INTS9: variants seen among roughly 807,000 people sequenced by gnomAD.
INTS9 encodes integrator complex subunit 9.
Under a neutral mutation model 79.7 loss-of-function variants are expected in INTS9, and 55 were observed. The ratio of observed to expected loss-of-function variants is 0.69; its 90% CI spans 0.56 to 0.86. The LOEUF is 0.86. Ranked by LOEUF, INTS9 falls within the 40% of genes least tolerant of loss-of-function variation. The pLI, the probability that INTS9 is intolerant of heterozygous loss-of-function variation, is 0.00. For missense variants in INTS9, 721 were observed against 831.5 expected (o/e 0.87, Z 1.64); for synonymous variants, 319 against 325.2 (o/e 0.98, Z 0.20).
intron 1 of INTS9, among the ~76,000 whole-genome samples, chr8:28,873,766 T>C (rs1809214649): frequency 6.6e-6 from 1 of 152,242 alleles, no homozygotes; most frequent in Non-Finnish European, 1.5e-5. Flanking sequence ...TCTAGTAATT[T>C]GTCTATACTC....
chr8:28,795,908 G>T (rs373919495), intron 9 of INTS9, among the ~76,000 whole-genome samples: 1 of 152,160 alleles, frequency 6.6e-6, no homozygotes, highest in Non-Finnish European at 1.5e-5. Flanking sequence ...AGTTATATCC[G>T]AAGGAAAATA....
At chr8:28,829,940 CA>C (rs1312433519) in intron 6 of INTS9, among the ~76,000 whole-genome samples, 3 of 152,056 alleles carry the variant, frequency 2.0e-5, no homozygotes, top group Non-Finnish European at 4.4e-5. Flanking sequence ...CACCGGTCCA[CA>C]TTTTCCACCA....
At chr8:28,783,194 A>AG (rs1407191461) in intron 11 of INTS9, among the ~76,000 whole-genome samples, 1 of 151,322 alleles carries the variant, frequency 6.6e-6, no homozygotes, top group Admixed American at 6.6e-5. Flanking sequence ...GCAGCCTCAA[A>AG]GCTTTCTTTC....
At chr8:28,875,425 T>C (rs1809329438) in intron 1 of INTS9, among the ~76,000 whole-genome samples, 1 of 152,242 alleles carries the variant, frequency 6.6e-6, no homozygotes, top group African/African-American at 2.4e-5. Context: ...TCAAAGTACT[T>C]TTCAAGGTCA....
At chr8:28,871,287 T>A (rs1809080419) in intron 1 of INTS9, among the ~76,000 whole-genome samples, 1 of 152,204 alleles carries the variant, frequency 6.6e-6, no homozygotes, top group Non-Finnish European at 1.5e-5. Context: ...ACTAGTTAAA[T>A]TTTGATTTTC....
intron 12 of INTS9, among the ~76,000 whole-genome samples, chr8:28,779,425 G>A (rs561447147): frequency 6.6e-6 from 1 of 152,104 alleles, no homozygotes; most frequent in South Asian, 2.1e-4. Context: ...CAACTTCCTG[G>A]AACACCAACA....
intron 8 of INTS9, among the ~76,000 whole-genome samples, chr8:28,805,821 G>C (rs1411964458): frequency 6.6e-6 from 1 of 152,036 alleles, no homozygotes. Context: ...TCTAAAGGAA[G>C]GCAAGAAAGG....
At chr8:28,776,429 TTTTTTTTTTTG>T (rs1479062497) in intron 13 of INTS9, among the ~76,000 whole-genome samples, 3,575 of 87,326 alleles carry the variant, frequency 0.041, 155 homozygotes, top group African/African-American at 0.13. Flanking sequence ...GAGGCAGAGT[TTTTTTTTTTTG>T]TTTTTTTTTT....
At chr8:28,812,886 A>C (rs1805233815) in intron 7 of INTS9, among the ~76,000 whole-genome samples, 1 of 152,188 alleles carries the variant, frequency 6.6e-6, no homozygotes, top group South Asian at 2.1e-4. Flanking sequence ...AGAAAGTTTT[A>C]AGGAAAACAG....
intron 4 of INTS9, among the ~76,000 whole-genome samples, chr8:28,839,596 T>C (rs1807036995): frequency 6.6e-6 from 1 of 152,034 alleles, no homozygotes; most frequent in Admixed American, 6.6e-5. Flanking sequence ...AACAGAGATA[T>C]AGATCAATGG....
intron 16 of INTS9, chr8:28,769,626 A>C (rs1016803566): frequency 2.3e-6 from 1 of 436,398 alleles, no homozygotes; most frequent in Non-Finnish European, 4.1e-6. Context: ...CCCACTCGTC[A>C]CATGTGTGTG....
At position 28,768,284 on chromosome 8, in the gene INTS9, C is replaced by T; in HGVS notation, c.1839G>A (p.Lys613=). The T allele has an allele frequency of 6.2e-7, 1 of 1,613,972 alleles. No homozygotes were observed. Among genetic ancestry groups the T allele is most frequent in the Non-Finnish European group, 8.5e-7 (1 of 1,180,022 alleles). ...FSDIKVEDTA[K]GHIVLLQEAE... ...CCTCCTGGAGCAGGACGATATGGCC[C>T]TTGGCTGTGTCCTCCACCTTAATAT... The change falls in exon 17 of 17, where the codon AAG becomes AAA. Residue 613 remains lysine (K), a synonymous_variant. Transcript: ENST00000521022.
Position 28,838,485 on chromosome 8 carries a change from T to G in INTS9, c.262-709A>C, listed in dbSNP as rs568607881. The stretch of plus-strand genomic sequence containing the variant: ...TAAATTTTAGGAAAACTCCTAAAAT[T>G]TTTCCATATATTTAAGTCCTACCAA... On this transcript the variant is annotated intron_variant, in intron 4 of 16. Transcript: ENST00000521022. Among the ~76,000 whole-genome samples the G allele has an allele frequency of 1.2e-4, 19 of 152,144 alleles. No individual in the cohort carries two copies. In the South Asian group the frequency reaches 3.5e-3, roughly 28 times the overall value.
At chr8:28,866,161 T>C (rs762049424) in intron 1 of INTS9, among the ~76,000 whole-genome samples, 1 of 152,352 alleles carries the variant, frequency 6.6e-6, no homozygotes, top group Non-Finnish European at 1.5e-5. Flanking sequence ...CATTCCTTCA[T>C]ACATGCCTTT....
chr8:28,770,543 G>A (rs1353828528), intron 15 of INTS9, among the ~76,000 whole-genome samples: 1 of 152,210 alleles, frequency 6.6e-6, no homozygotes, highest in Non-Finnish European at 1.5e-5. Flanking sequence ...TGGTAGCTAG[G>A]AGCAACTCTA....
In INTS9 at chr8:28,777,969, G is replaced by T. The variant is rs1485341306; in HGVS notation, c.1271-16C>A. 1 of 1,597,894 alleles carries T rather than the reference G, an allele frequency of 6.3e-7. No homozygotes were observed. The highest frequency in any genetic ancestry group is 1.1e-5 in the South Asian group (1 of 88,908). ...AAGTCTGGTTCTAGGGAAAGTACAA[G>T]AAAGAAATCTTACAATGCAGACTAC... On this transcript the variant is annotated splice_polypyrimidine_tract_variant and intron_variant, in intron 12 of 16. Transcript: ENST00000521022.
chr8:28,879,915 A>T (rs1809606661), intron 1 of INTS9, among the ~76,000 whole-genome samples: 1 of 152,048 alleles, frequency 6.6e-6, no homozygotes, highest in African/African-American at 2.4e-5. Flanking sequence ...AGTAACGGAG[A>T]TCTTTTTGGA....
intron 2 of INTS9, among the ~76,000 whole-genome samples, chr8:28,856,594 A>G (rs1808174634): frequency 6.6e-6 from 1 of 152,120 alleles, no homozygotes; most frequent in Non-Finnish European, 1.5e-5. Flanking sequence ...AGCTAATTTT[A>G]AAATTTTTGG....
At chr8:28,792,769 C>T (rs575565191) in intron 10 of INTS9, among the ~76,000 whole-genome samples, 12 of 152,056 alleles carry the variant, frequency 7.9e-5, no homozygotes, top group South Asian at 4.2e-4. Flanking sequence ...AAAAATTAGC[C>T]GGGCATGGTG....
Sources: allele counts gnomAD v4.1 joint callset (sites outside exome capture counted in the v4.1 genomes callset), GRCh38; gene constraint gnomAD v4.1.1; transcripts MANE v1.5; gene names NCBI Gene and HGNC (gene_info 2026-07-23, HGNC 2026-07-21).